CUL5: variants seen among roughly 807,000 people sequenced by gnomAD.
CUL5 encodes the protein cullin-5.
CUL5 carries 26 observed loss-of-function variants against 108.8 expected under a neutral mutation model. The observed-to-expected ratio is 0.24, with a 90% CI of 0.18 to 0.33. The LOEUF (loss-of-function observed/expected upper bound fraction) is 0.33. Among genes scored for constraint, CUL5 ranks in the 10% least tolerant of loss-of-function variants. The pLI is 1.00. For synonymous variants in CUL5, 334 were observed against 298.0 expected (o/e 1.12, Z -1.25); for missense variants, 524 against 909.2 (o/e 0.58, Z 5.45).
At position 108,107,687 on chromosome 11, in the gene CUL5, A is replaced by G. The variant is rs936894900; in HGVS notation, c.*3303A>G. 1 of 152,626 alleles carries G rather than the reference A, an allele frequency of 6.6e-6. No homozygotes were observed. The allele number at this position is 152,626 out of a possible 1,614,324, so 9.5% of individuals were successfully genotyped here. A position where few individuals can be genotyped will look rare whatever the true frequency, so the allele number is the denominator to read the frequency against. On this transcript the variant is annotated 3_prime_UTR_variant, in exon 19 of 19. Transcript: ENST00000393094. ...TGCAGTAGGCTGAAATATTTTGATG[A>G]ACTGCTTAATTTTTGGATTTTATTT...
intron 2 of CUL5, among the ~76,000 whole-genome samples, chr11:108,044,488 A>G (rs986772013): frequency 5.3e-5 from 8 of 149,544 alleles, no homozygotes; most frequent in East Asian, 4.0e-4. Context: ...AGACTGGGCA[A>G]CAGAGTGAGA....
In CUL5 at chr11:108,106,167, G is replaced by C. The variant is rs1240767936; in HGVS notation, c.*1783G>C. The C allele has an allele frequency of 1.3e-5, 2 of 152,532 alleles. No homozygotes were observed. Among genetic ancestry groups the C allele is most frequent in the Non-Finnish European group, 2.9e-5 (2 of 67,984 alleles). 9.4% of individuals were successfully genotyped at this position (152,532 alleles called of 1,614,324 possible). On this transcript the variant is annotated 3_prime_UTR_variant, in exon 19 of 19. Coordinates refer to ENST00000393094, the MANE Select transcript of CUL5 (RefSeq NM_003478.6). ...TAATGGGTATATTTGGAATTTAGAA[G>C]AAATAATTTTGTAGTAATTGTGGCC...
chr11:108,034,954 T>G (rs532706632), intron 2 of CUL5, among the ~76,000 whole-genome samples: 1 of 152,356 alleles, frequency 6.6e-6, no homozygotes, highest in Admixed American at 6.5e-5. Flanking sequence ...CCTTTTGTCC[T>G]GATCATTTAT....
intron 10 of CUL5, chr11:108,074,002 T>C (rs1010834596): frequency 1.3e-5 from 2 of 152,342 alleles, no homozygotes; most frequent in African/African-American, 2.4e-5. Flanking sequence ...AGGATAATGA[T>C]AATAAAACAC....
Position 108,030,552 on chromosome 11 carries a change from G to A in CUL5, c.25-3250G>A, listed in dbSNP as rs767632295. On this transcript the variant is annotated intron_variant, in intron 1 of 18. Coordinates refer to ENST00000393094, the MANE Select transcript of CUL5 (RefSeq NM_003478.6). ...CTCGGGAAGCTGAGGCAGGAGAATC[G>A]CTTGAACCCGGGAGGCGGAGGTTGC... Among the ~76,000 whole-genome samples the A allele has an allele frequency of 2.6e-5, 4 of 152,284 alleles. No individual in the cohort carries two copies. In the East Asian group the frequency reaches 5.8e-4, roughly 22 times the overall value.
At chr11:108,067,956 T>G (rs1448970696) in intron 7 of CUL5, among the ~76,000 whole-genome samples, 2 of 152,124 alleles carry the variant, frequency 1.3e-5, no homozygotes, top group African/African-American at 2.4e-5. Context: ...GAGACGGAGT[T>G]TTGCTCTTGT....
chr11:108,049,789 TAATTTAAAAATTATGTAC>T, intron 3 of CUL5, 83 bp from the exon 4 acceptor site: 1 of 926,476 alleles, frequency 1.1e-6, no homozygotes. Flanking sequence ...GCTTGTACAA[TAATTTAAAAATTATGTAC>T]AATTTAAATT....
intron 7 of CUL5, among the ~76,000 whole-genome samples, chr11:108,063,266 T>A (rs975401290): frequency 6.6e-6 from 1 of 152,248 alleles, no homozygotes; most frequent in Non-Finnish European, 1.5e-5. Flanking sequence ...ATTGTTTTAA[T>A]TTTTAGCTTC....
At chr11:108,095,754 G>A in intron 16 of CUL5, 63 bp downstream of exon 16, 4 of 1,349,810 alleles carry the variant, frequency 3.0e-6, no homozygotes, top group Non-Finnish European at 4.1e-6. Context: ...ATATATGATT[G>A]GCTTGTAATA....
chr11:108,028,394 G>C (rs1283539453), intron 1 of CUL5, among the ~76,000 whole-genome samples: 2 of 152,054 alleles, frequency 1.3e-5, no homozygotes, highest in Non-Finnish European at 2.9e-5. Context: ...ATCTAAAATT[G>C]AACCACTTCT....
chr11:108,105,247 CACTT>C lies in CUL5; in HGVS notation c.*865_*868del, dbSNP rs1591341327. 2.0e-5 allele frequency: 3 copies of C among 152,064 alleles called. No individual in the cohort carries two copies. The highest frequency in any genetic ancestry group is 7.2e-5 in the African/African-American group (3 of 41,410). The allele number at this position is 152,064 out of a possible 1,614,324, so 9.4% of individuals were successfully genotyped here. Reference sequence around the variant, plus strand: ...TAAACATATTGTGTGTTTACTAACACACTTAATGTTTATATACCTAATATTTATT... The same window carrying C: ...TAAACATATTGTGTGTTTACTAACACAATGTTTATATACCTAATATTTATT... On this transcript the variant is annotated 3_prime_UTR_variant, in exon 19 of 19. Transcript: ENST00000393094.
chr11:108,078,357 C>T, intron 11 of CUL5, 117 bp downstream of exon 11: 2 of 478,654 alleles, frequency 4.2e-6, no homozygotes, highest in African/African-American at 2.0e-5. Context: ...AGTTTTGTGA[C>T]TTTTGCAGCT....
chr11:108,056,168 G>A (rs534563683), intron 7 of CUL5, among the ~76,000 whole-genome samples: 2 of 152,184 alleles, frequency 1.3e-5, no homozygotes, highest in Non-Finnish European at 2.9e-5. Context: ...GGGTGCTTCA[G>A]TATAAGGAAA....
intron 7 of CUL5, among the ~76,000 whole-genome samples, chr11:108,058,069 C>T (rs187872903): frequency 3.3e-5 from 5 of 151,428 alleles, no homozygotes; most frequent in East Asian, 2.0e-4. Flanking sequence ...ATTAGCCGGA[C>T]GTGGTGGCGT....
chr11:108,013,949 T>G, intron 1 of CUL5, among the ~76,000 whole-genome samples: 1 of 152,210 alleles, frequency 6.6e-6, no homozygotes, highest in East Asian at 1.9e-4. Context: ...ATAACTTTAT[T>G]GACATCCATA....
intron 16 of CUL5, among the ~76,000 whole-genome samples, chr11:108,097,186 T>G (rs1031817007): frequency 6.6e-6 from 1 of 152,170 alleles, no homozygotes; most frequent in Non-Finnish European, 1.5e-5. Context: ...TGGCTAATTT[T>G]TGTATTTTCA....
Position 108,033,812 on chromosome 11 carries a change from C to T in CUL5, c.35C>T (p.Ser12Phe). 6.4e-7 allele frequency: 1 copy of T among 1,572,804 alleles called. No individual in the cohort carries two copies. The highest frequency in any genetic ancestry group is 1.1e-5 in the South Asian group (1 of 87,128). ...TTTTTTTTTTTCAAGAATAAAGGTT[C>T]TCTTCAGTTTGAAGACAAATGGGAT... ...ATSNLLKNKG[S>F]LQFEDKWDFM... Residue 12 changes from serine (S) to phenylalanine (F), a missense_variant, in exon 2 of 19, where the codon TCT becomes TTT. By Grantham distance (155) the Ser-to-Phe change is radical. Transcript: ENST00000393094.
At chr11:108,073,598 T>A in intron 10 of CUL5, 101 bp downstream of exon 10, 1 of 496,260 alleles carries the variant, frequency 2.0e-6, no homozygotes, top group Non-Finnish European at 3.4e-6. Flanking sequence ...ATTATAAACT[T>A]AAAAACCTAG....
rs1348190689 is a variant in CUL5 at position 108,009,061 on chromosome 11, G to A, written c.-288G>A. On this transcript the variant is annotated 5_prime_UTR_variant, in exon 1 of 19. Transcript: ENST00000393094. ...AGTCGATGCTTCCTCTTCCAAGTCA[G>A]GTCGGCTCCCGTTACCTTCTCAGCA... 4.0e-6 allele frequency: 2 copies of A among 504,432 alleles called. No individual in the cohort carries two copies. The highest frequency in any genetic ancestry group is 7.1e-6 in the Non-Finnish European group (2 of 283,044). The allele number at this position is 504,432 out of a possible 1,614,324, so 31.2% of individuals were successfully genotyped here.
Sources: allele counts gnomAD v4.1 joint callset (sites outside exome capture counted in the v4.1 genomes callset), GRCh38; gene constraint gnomAD v4.1.1; transcripts MANE v1.5; gene names NCBI Gene and HGNC (gene_info 2026-07-23, HGNC 2026-07-21).